Variants in FAM227B observed in about 807,000 individuals in gnomAD.
The protein encoded by FAM227B is protein FAM227B.
A neutral mutation model predicts 73.8 loss-of-function variants in FAM227B; 88 were observed. The ratio of observed to expected loss-of-function variants is 1.19; its 90% confidence interval spans 1.00 to 1.42. FAM227B has a LOEUF of 1.42. Among genes scored for constraint, FAM227B ranks in the 40% most tolerant of loss-of-function variants. The probability of loss-of-function intolerance (pLI) is 0.00; values close to 1 mark genes in which losing one functional copy is unlikely to be tolerated. For synonymous variants in FAM227B, 210 were observed against 190.5 expected (o/e 1.10, Z -0.84); for missense variants, 632 against 590.9 (o/e 1.07, Z -0.72).
intron 11 of FAM227B, among the ~76,000 whole-genome samples, chr15:49,502,365 C>A (rs2058213641): frequency 6.6e-6 from 1 of 152,246 alleles, no homozygotes; most frequent in African/African-American, 2.4e-5. Context: ...GGTGAAGCTG[C>A]CCAAGGCCTT....
intron 3 of FAM227B, among the ~76,000 whole-genome samples, chr15:49,603,111 G>A (rs2077308775): frequency 6.6e-6 from 1 of 152,090 alleles, no homozygotes; most frequent in African/African-American, 2.4e-5. Flanking sequence ...GCTTAGAATA[G>A]CTTTGGCTAT....
intron 11 of FAM227B, among the ~76,000 whole-genome samples, chr15:49,505,343 T>C (rs2058499924): frequency 6.6e-6 from 1 of 152,136 alleles, no homozygotes; most frequent in South Asian, 2.1e-4. Flanking sequence ...TACAGATTTA[T>C]ACATACGTCA....
At chr15:49,376,899 TA>T (rs2151500748) in intron 11 of FAM227B, among the ~76,000 whole-genome samples, 1 of 152,212 alleles carries the variant, frequency 6.6e-6, no homozygotes, top group Admixed American at 6.5e-5. Flanking sequence ...TCTTTTCTAT[TA>T]AAAATGTACA....
At chr15:49,591,069 A>G (rs2076524277) in intron 3 of FAM227B, among the ~76,000 whole-genome samples, 1 of 104,268 alleles carries the variant, frequency 9.6e-6, no homozygotes, top group Non-Finnish European at 1.8e-5. Context: ...TTTTTGAGAC[A>G]GAGTCTCGCT....
chr15:49,363,067 G>A lies in FAM227B; in HGVS notation c.1271+4381C>T, dbSNP rs550613266. Among the ~76,000 whole-genome samples, 139 of 152,260 alleles carry A rather than the reference G, an allele frequency of 9.1e-4. 5 individuals carry two copies. In the South Asian group the frequency reaches 0.027, roughly 30 times the overall value. ...GAATTTGGGTAACATGATTCCTCCA[G>A]CTTTGTCCTTTTTGCTTAAGATTGT... On this transcript the variant is annotated intron_variant, in intron 13 of 15. Transcript: ENST00000299338.
chr15:49,537,049 T>C (rs1386975950), intron 10 of FAM227B, among the ~76,000 whole-genome samples: 1 of 152,036 alleles, frequency 6.6e-6, no homozygotes. Flanking sequence ...TGGGCTACAA[T>C]AGCAAAAATA....
intron 9 of FAM227B, among the ~76,000 whole-genome samples, chr15:49,549,851 G>C (rs1465490642): frequency 6.6e-6 from 1 of 152,110 alleles, no homozygotes; most frequent in Non-Finnish European, 1.5e-5. Context: ...TCCCAGACGG[G>C]GTGGTGGCCG....
chr15:49,402,507 G>A (rs2048236933), intron 11 of FAM227B, among the ~76,000 whole-genome samples: 1 of 152,108 alleles, frequency 6.6e-6, no homozygotes, highest in African/African-American at 2.4e-5. Flanking sequence ...CTTGTTAGCT[G>A]TAATTCCTAG....
chr15:49,404,820 C>T lies in FAM227B; in HGVS notation c.1013-33421G>A, dbSNP rs892386298. On this transcript the variant is annotated intron_variant, in intron 11 of 15. Coordinates refer to ENST00000299338, the MANE Select transcript of FAM227B (RefSeq NM_152647.3). ...CCTGTCATCATGATGTTAGCTGGTTCGTATGGGCGCTTGTTTATGTGGTTG... is the reference window on the plus strand; with the variant it reads ...CCTGTCATCATGATGTTAGCTGGTTTGTATGGGCGCTTGTTTATGTGGTTG... 5.9e-5 allele frequency among the ~76,000 whole-genome samples: 9 copies of T among 151,580 alleles called. 1 individual carries two copies. The highest frequency in any genetic ancestry group is 2.2e-4 in the African/African-American group (9 of 41,334).
At chr15:49,454,286 T>C (rs1290206354) in intron 11 of FAM227B, among the ~76,000 whole-genome samples, 1 of 152,188 alleles carries the variant, frequency 6.6e-6, no homozygotes, top group East Asian at 1.9e-4. Context: ...GGGCACTTGT[T>C]AGGTCTCTCT....
At chr15:49,492,791 A>G (rs1190036739) in intron 11 of FAM227B, among the ~76,000 whole-genome samples, 1 of 151,934 alleles carries the variant, frequency 6.6e-6, no homozygotes, top group Non-Finnish European at 1.5e-5. Flanking sequence ...TAATCAGAAT[A>G]ACAATAGCAA....
chr15:49,435,703 G>A (rs1193921228), intron 11 of FAM227B, among the ~76,000 whole-genome samples: 1 of 151,466 alleles, frequency 6.6e-6, no homozygotes, highest in Non-Finnish European at 1.5e-5. Flanking sequence ...AAGAAGATGA[G>A]CATAAATCTA....
At chr15:49,481,627 C>T (rs139763960) in intron 11 of FAM227B, among the ~76,000 whole-genome samples, 3,200 of 152,202 alleles carry the variant, frequency 0.021, 46 homozygotes, top group Non-Finnish European at 0.031. Flanking sequence ...AATATATGGA[C>T]GTGTTTGCTG....
At chr15:49,498,399 C>A (rs2057814316) in intron 11 of FAM227B, among the ~76,000 whole-genome samples, 1 of 152,066 alleles carries the variant, frequency 6.6e-6, no homozygotes, top group Non-Finnish European at 1.5e-5. Flanking sequence ...GTTAATAGAG[C>A]CTTAGCTCTC....
chr15:49,340,320 C>T (rs564201164), intron 13 of FAM227B, among the ~76,000 whole-genome samples: 102 of 152,120 alleles, frequency 6.7e-4, no homozygotes, highest in African/African-American at 2.4e-3. Flanking sequence ...GGCTGGAGTA[C>T]ACGGTACAGT....
chr15:49,387,323 G>A (rs999567747), intron 11 of FAM227B, among the ~76,000 whole-genome samples: 3 of 151,854 alleles, frequency 2.0e-5, no homozygotes, highest in African/African-American at 7.3e-5. Context: ...TCCCAGGGAT[G>A]CTGGGATGGT....
chr15:49,494,996 T>C (rs1230808443), intron 11 of FAM227B, among the ~76,000 whole-genome samples: 1 of 152,228 alleles, frequency 6.6e-6, no homozygotes, highest in Non-Finnish European at 1.5e-5. Flanking sequence ...CACATTGTTT[T>C]ATGCAAACTG....
At chr15:49,561,381 T>C (rs1298641848) in intron 9 of FAM227B, among the ~76,000 whole-genome samples, 2 of 152,080 alleles carry the variant, frequency 1.3e-5, no homozygotes, top group Non-Finnish European at 2.9e-5. Context: ...CAAGTACTTA[T>C]GGACCTATGA....
intron 11 of FAM227B, among the ~76,000 whole-genome samples, chr15:49,404,713 C>T (rs2048400533): frequency 6.6e-6 from 1 of 151,972 alleles, no homozygotes; most frequent in Admixed American, 6.6e-5. Context: ...GGTTCTTTAT[C>T]CAGCTTGCCA....
Sources: gnomAD v4.1 joint callset for allele counts (sites outside exome capture counted in the v4.1 genomes callset) on GRCh38, gnomAD v4.1.1 for gene constraint, MANE v1.5 for transcripts, NCBI Gene and HGNC (gene_info 2026-07-23, HGNC 2026-07-21) for gene names.